DRC4: variants seen among roughly 807,000 people sequenced by gnomAD.
DRC4 encodes dynein regulatory complex subunit 4.
chr16:90,040,468 C>G, the DRC4 span: 1 of 1,609,324 alleles, frequency 6.2e-7, no homozygotes, highest in Non-Finnish European at 8.5e-7. Context: ...TGCCTCTAAC[C>G]TGGACCCTGC....
the DRC4 span, chr16:90,032,660 A>C: frequency 6.5e-7 from 1 of 1,534,366 alleles, no homozygotes; most frequent in Non-Finnish European, 9.0e-7. Flanking sequence ...GTGCACAGGT[A>C]CGGAAAGGTG....
chr16:90,022,567 G>T, the DRC4 span: 23 of 784,344 alleles, frequency 2.9e-5, no homozygotes, highest in Non-Finnish European at 4.0e-5. Context: ...CTCTAGGGAC[G>T]CACTCCCGCC....
chr16:90,036,303 T>C, the DRC4 span: 1 of 1,340,616 alleles, frequency 7.5e-7, no homozygotes, highest in African/African-American at 1.5e-5. Context: ...TTTGGGCCCG[T>C]TTACAGGCTC....
At chr16:90,044,641 CT>C in the DRC4 span, 1 of 470,480 alleles carries the variant, frequency 2.1e-6, no homozygotes, top group Non-Finnish European at 4.4e-6. Flanking sequence ...GAGGATGAGG[CT>C]GCAGAGATGG....
chr16:90,026,023 G>A, the DRC4 span, among the ~76,000 whole-genome samples: 1 of 152,146 alleles, frequency 6.6e-6, no homozygotes, highest in African/African-American at 2.4e-5. Flanking sequence ...GGAGGCTGAG[G>A]TGGGAGTATC....
the DRC4 span, chr16:90,027,986 G>C: frequency 4.4e-6 from 2 of 459,386 alleles, no homozygotes; most frequent in Middle Eastern, 5.7e-4. Flanking sequence ...TCTAAAAGCT[G>C]TTTTTAATTT....
At chr16:90,029,314 TC>T in the DRC4 span, 1 of 1,365,048 alleles carries the variant, frequency 7.3e-7, no homozygotes, top group Admixed American at 1.9e-5. Context: ...ACCTGGAGAC[TC>T]CTGCCCCGCA....
the DRC4 span, chr16:90,029,197 C>CCTACGGGGCAGGCTGCGGGGCAGG: frequency 3.0e-6 from 4 of 1,351,372 alleles, no homozygotes; most frequent in Non-Finnish European, 3.9e-6. Flanking sequence ...TATGGGGCAG[C>CCTACGGGGCAGGCTGCGGGGCAGG]CTACGGGGCA....
chr16:90,028,629 A>G, the DRC4 span, among the ~76,000 whole-genome samples: 1 of 152,172 alleles, frequency 6.6e-6, no homozygotes, highest in African/African-American at 2.4e-5. Context: ...CTTCATTTGG[A>G]TGTAGTTAAG....
the DRC4 span, among the ~76,000 whole-genome samples, chr16:90,023,372 C>T: frequency 1.3e-5 from 2 of 152,142 alleles, no homozygotes; most frequent in Admixed American, 6.5e-5. Context: ...AGCTCCATGT[C>T]TGTCTTTCTC....
the DRC4 span, among the ~76,000 whole-genome samples, chr16:90,024,068 C>T: frequency 0.53 from 78,856 of 149,596 alleles, 21,689 homozygotes; most frequent in East Asian, 0.98. Context: ...TCACTTGAGG[C>T]CAGGAGTTGG....
At chr16:90,044,715 C>G in the DRC4 span, 1 of 423,870 alleles carries the variant, frequency 2.4e-6, no homozygotes, top group Non-Finnish European at 4.9e-6. Flanking sequence ...CAGACACTGC[C>G]CTGCCACCTG....
At chr16:90,042,221 C>T in the DRC4 span, 55 of 550,004 alleles carry the variant, frequency 1.0e-4, 1 homozygote, top group South Asian at 1.5e-4. Flanking sequence ...CAGGTGTGAG[C>T]GGCAGTGCCT....
chr16:90,033,469 C>T, the DRC4 span, among the ~76,000 whole-genome samples: 1 of 152,168 alleles, frequency 6.6e-6, no homozygotes, highest in Non-Finnish European at 1.5e-5. Flanking sequence ...TTGAGACTAG[C>T]TTGGGTGAAA....
the DRC4 span, chr16:90,035,699 G>T: frequency 1.2e-6 from 2 of 1,614,154 alleles, no homozygotes; most frequent in South Asian, 1.1e-5. Flanking sequence ...TCAGTTTCCC[G>T]TGTGCTCATT....
At chr16:90,020,224 C>T in the DRC4 span, 1 of 453,844 alleles carries the variant, frequency 2.2e-6, no homozygotes, top group East Asian at 3.5e-5. Context: ...TGCCTGTAAT[C>T]CCAGCCCTTT....
At chr16:90,020,356 ACT>A in the DRC4 span, among the ~76,000 whole-genome samples, 1 of 151,646 alleles carries the variant, frequency 6.6e-6, no homozygotes, top group Non-Finnish European at 1.5e-5. Flanking sequence ...CTTCATAAAC[ACT>A]CTTGTTAACC....
chr16:90,042,948 C>T, the DRC4 span: 1 of 543,146 alleles, frequency 1.8e-6, no homozygotes, highest in Non-Finnish European at 3.3e-6. Flanking sequence ...CCCTGAGTGT[C>T]CCTGCCCTCT....
At chr16:90,032,178 G>C in the DRC4 span, among the ~76,000 whole-genome samples, 1 of 151,152 alleles carries the variant, frequency 6.6e-6, no homozygotes, top group African/African-American at 2.4e-5. Context: ...GGGGGGTACA[G>C]GTATGTACAG....
Sources: gnomAD v4.1 joint callset for allele counts (sites outside exome capture counted in the v4.1 genomes callset) on GRCh38, gnomAD v4.1.1 for gene constraint, MANE v1.5 for transcripts, NCBI Gene and HGNC (gene_info 2026-07-23, HGNC 2026-07-21) for gene names.